The following SLC25A53 variants were observed in gnomAD, a reference collection of about 807,000 sequenced individuals.
SLC25A53 encodes the protein solute carrier family 25 member 53, also known as mitochondrial carrier triple repeat protein 6.
Under a neutral mutation model 15.0 loss-of-function variants are expected in SLC25A53, and 5 were observed. That is an observed-to-expected ratio of 0.33 (90% confidence interval 0.17 to 0.70). The LOEUF is 0.70. SLC25A53 is among the 30% of genes least tolerant of loss of function. The probability of loss-of-function intolerance (pLI) is 0.67; values close to 1 mark genes in which losing one functional copy is unlikely to be tolerated. For missense variants in SLC25A53, 216 were observed against 241.6 expected (o/e 0.89, Z 0.70); for synonymous variants, 95 against 100.0 (o/e 0.95, Z 0.30).
chrX:104,137,939 T>C (rs2075440990), intron 1 of SLC25A53, among the ~76,000 whole-genome samples: 1 of 112,542 alleles, frequency 8.9e-6, no homozygotes, highest in African/African-American at 3.2e-5. Context: ...TGATTCTTCC[T>C]AACATGATGG....
At chrX:104,150,003 C>T (rs1223423990) in intron 1 of SLC25A53, among the ~76,000 whole-genome samples, 4 of 110,075 alleles carry the variant, frequency 3.6e-5, no homozygotes, top group African/African-American at 9.9e-5. Context: ...GAGTCCGAGG[C>T]GGGAGGATCA....
chrX:104,129,746 T>C (rs782471215), intron 1 of SLC25A53, among the ~76,000 whole-genome samples: 44 of 107,570 alleles, frequency 4.1e-4, no homozygotes, highest in East Asian at 1.7e-3. Context: ...TTTTTATATA[T>C]GTATATATAT....
intron 1 of SLC25A53, among the ~76,000 whole-genome samples, chrX:104,141,266 C>G (rs2075450055): frequency 9.0e-6 from 1 of 111,256 alleles, no homozygotes; most frequent in South Asian, 3.8e-4. Context: ...AAACCAGAAG[C>G]CTCGCAATCG....
chrX:104,124,234 G>A lies in SLC25A53; in HGVS notation c.-31-18946C>T, dbSNP rs782534227. Reference sequence around the variant, plus strand: ...GCCTCGCCAGCATGTGTTGTTTCCTGACTTTTTAATGATTGCCATTCTAAC... The same window carrying A: ...GCCTCGCCAGCATGTGTTGTTTCCTAACTTTTTAATGATTGCCATTCTAAC... On this transcript the variant is annotated intron_variant, in intron 1 of 1. Transcript: ENST00000594199. Among the ~76,000 whole-genome samples, 236 of 111,802 alleles carry A rather than the reference G, an allele frequency of 2.1e-3. 1 individual carries two copies. Among genetic ancestry groups the A allele is most frequent in the Non-Finnish European group, 2.3e-3 (124 of 53,158 alleles).
chrX:104,140,154 A>T (rs1001018946), intron 1 of SLC25A53, among the ~76,000 whole-genome samples: 5 of 111,074 alleles, frequency 4.5e-5, no homozygotes, highest in Admixed American at 9.6e-5. Context: ...ACAGAGTCTC[A>T]CTCTGTTCCC....
rs1175008049 is a variant in SLC25A53, at chrX:104,146,391, A to G, written c.-32+10487T>C. ...ACTGGAAGCATTCCCTTTGAAAACC[A>G]GCACAAGACAAGGATGCCCTCTCTC... On this transcript the variant is annotated intron_variant, in intron 1 of 1. Transcript: ENST00000594199. Among the ~76,000 whole-genome samples the G allele has an allele frequency of 1.1e-4, 12 of 111,974 alleles. No individual in the cohort carries two copies. The South Asian group carries it at 1.9e-3, about 17-fold the overall frequency.
At chrX:104,114,908 T>C (rs2147869159) in intron 1 of SLC25A53, 1 of 1,201,728 alleles carries the variant, frequency 8.3e-7, no homozygotes, top group Non-Finnish European at 1.1e-6. Context: ...TGCAACGTGA[T>C]AGAAATAGAT....
intron 1 of SLC25A53, among the ~76,000 whole-genome samples, chrX:104,116,753 G>A (rs1012315976): frequency 4.5e-5 from 5 of 110,968 alleles, no homozygotes; most frequent in African/African-American, 9.9e-5. Flanking sequence ...CAGCCTTCCC[G>A]GGGCTGCCAG....
chrX:104,109,938 T>A (rs180966799), intron 1 of SLC25A53, among the ~76,000 whole-genome samples: 18 of 104,600 alleles, frequency 1.7e-4, no homozygotes, highest in African/African-American at 5.2e-4. Context: ...AAATGTGGTC[T>A]CATTAGAGGC....
chrX:104,136,963 C>T (rs1186665097), intron 1 of SLC25A53, among the ~76,000 whole-genome samples: 1 of 111,608 alleles, frequency 9.0e-6, no homozygotes, highest in Non-Finnish European at 1.9e-5. Context: ...ATATTTCCAA[C>T]CACTATAAAA....
intron 1 of SLC25A53, among the ~76,000 whole-genome samples, chrX:104,110,971 G>C (rs1387046828): frequency 8.9e-6 from 1 of 112,713 alleles, no homozygotes; most frequent in Non-Finnish European, 1.9e-5. Flanking sequence ...CAAAGCTGTG[G>C]GCTCAGAAGA....
At chrX:104,151,635 A>C (rs1602506694) in intron 1 of SLC25A53, among the ~76,000 whole-genome samples, 1 of 111,662 alleles carries the variant, frequency 9.0e-6, no homozygotes, top group East Asian at 2.8e-4. Context: ...CACAGAAAAT[A>C]TGGACTGGGA....
At chrX:104,156,055 C>CA (rs11323988) in intron 1 of SLC25A53, among the ~76,000 whole-genome samples, 1,219 of 34,021 alleles carry the variant, frequency 0.036, 34 homozygotes, top group African/African-American at 0.07. Flanking sequence ...GACTCCTTAT[C>CA]AAAAAAAAAA....
At chrX:104,143,838 G>C (rs1417982521) in intron 1 of SLC25A53, among the ~76,000 whole-genome samples, 1 of 111,078 alleles carries the variant, frequency 9.0e-6, no homozygotes, top group Non-Finnish European at 1.9e-5. Flanking sequence ...AAATGTTAAG[G>C]GCAGCCAGAG....
At chrX:104,109,718 T>G (rs1456908538) in intron 1 of SLC25A53, among the ~76,000 whole-genome samples, 2 of 111,502 alleles carry the variant, frequency 1.8e-5, no homozygotes, top group Non-Finnish European at 3.8e-5. Context: ...CTGACACAAG[T>G]TACTTAATGT....
In SLC25A53 at chrX:104,104,506, A is replaced by G. The variant is rs782358112; in HGVS notation, c.752T>C (p.Leu251Pro). The G allele has an allele frequency of 2.1e-5, 26 of 1,210,360 alleles. No homozygotes were observed. The highest frequency in any genetic ancestry group is 2.5e-5 in the Non-Finnish European group (22 of 895,295). ...CCATACATCCTGGGCAGAGGCCCAC[A>G]GGCTTGGCATGTTCTGCCATCCAAT... ...SHIGWQNMPS[L>P]WASAQDVWNT... The change falls in exon 2 of 2, where the codon CTG becomes CCG. Residue 251 changes from leucine (L) to proline (P), a missense_variant. Leu to Pro is a moderately conservative substitution (Grantham distance 98, BLOSUM62 -3). Coordinates refer to ENST00000594199, the MANE Select transcript of SLC25A53 (RefSeq NM_001012755.5).
chrX:104,147,894 A>C (rs782699691), intron 1 of SLC25A53, among the ~76,000 whole-genome samples: 2 of 110,620 alleles, frequency 1.8e-5, no homozygotes, highest in Non-Finnish European at 1.9e-5. Context: ...TCAGTGTGGC[A>C]ATTCCTCAGG....
At position 104,104,068 on chromosome X, in the gene SLC25A53, C is replaced by A; in HGVS notation, c.*266G>T. ...ATTCCTTAAAGGAATGACACTTAAT[C>A]TGGGTTACATGTTATTTAAAGGCCT... On this transcript the variant is annotated 3_prime_UTR_variant, in exon 2 of 2. Transcript: ENST00000594199. 1.2e-5 allele frequency: 4 copies of A among 320,069 alleles called. No homozygotes were observed. Among genetic ancestry groups the A allele is most frequent in the Non-Finnish European group, 5.5e-6 (1 of 182,837 alleles). The allele number at this position is 320,069 out of a possible 1,213,427, so 26.4% of individuals were successfully genotyped here.
chrX:104,110,315 A>C (rs1556357776), intron 1 of SLC25A53, among the ~76,000 whole-genome samples: 1 of 111,637 alleles, frequency 9.0e-6, no homozygotes, highest in African/African-American at 3.3e-5. Flanking sequence ...TAAGTGTGTG[A>C]GGTGAGCAAC....
Sources: allele counts gnomAD v4.1 joint callset (sites outside exome capture counted in the v4.1 genomes callset), GRCh38; gene constraint gnomAD v4.1.1; transcripts MANE v1.5; gene names NCBI Gene and HGNC (gene_info 2026-07-23, HGNC 2026-07-21).